Variants in LRP1B observed in about 807,000 individuals in gnomAD.
LRP1B encodes the protein low-density lipoprotein receptor-related protein 1B.
A neutral mutation model predicts 556.6 loss-of-function variants in LRP1B; 217 were observed. The observed-to-expected ratio is 0.39, with a 90% CI of 0.35 to 0.44. The LOEUF (loss-of-function observed/expected upper bound fraction) is 0.44, where lower values mean the gene tolerates loss of function less well. Ranked by LOEUF, LRP1B falls within the 20% of genes least tolerant of loss-of-function variation. The pLI is 1.00. For synonymous variants in LRP1B, 2,047 were observed against 1,865.8 expected (o/e 1.10, Z -2.50); for missense variants, 5,053 against 5,620.8 (o/e 0.90, Z 3.23).
intron 21 of LRP1B, among the ~76,000 whole-genome samples, chr2:140,919,957 T>C (rs1428922225): frequency 6.6e-6 from 1 of 152,096 alleles, no homozygotes; most frequent in Non-Finnish European, 1.5e-5. Flanking sequence ...AAAAATAAAA[T>C]GACTCATTGA....
At chr2:141,992,860 A>C (rs553564267) in intron 1 of LRP1B, among the ~76,000 whole-genome samples, 2 of 152,242 alleles carry the variant, frequency 1.3e-5, no homozygotes, top group South Asian at 2.1e-4. Context: ...AGTTGTTTTA[A>C]TTGCTAAACA....
intron 3 of LRP1B, among the ~76,000 whole-genome samples, chr2:141,343,499 C>A (rs1688142335): frequency 6.6e-6 from 1 of 151,942 alleles, no homozygotes. Context: ...TTTTTGTGGG[C>A]CTGTAATTAT....
intron 17 of LRP1B, among the ~76,000 whole-genome samples, chr2:140,986,100 T>C (rs759681800): frequency 2.2e-5 from 3 of 139,034 alleles, no homozygotes; most frequent in Non-Finnish European, 4.6e-5. Context: ...GTTTATTTTC[T>C]TCAATTTAGT....
chr2:141,934,257 A>G (rs942096643), intron 1 of LRP1B, among the ~76,000 whole-genome samples: 1 of 152,098 alleles, frequency 6.6e-6, no homozygotes, highest in African/African-American at 2.4e-5. Flanking sequence ...TGGAAAACAG[A>G]GAAAAGTTAA....
intron 35 of LRP1B, among the ~76,000 whole-genome samples, chr2:140,722,642 G>A (rs1313248177): frequency 6.6e-6 from 1 of 152,174 alleles, no homozygotes; most frequent in African/African-American, 2.4e-5. Flanking sequence ...CAAATGAGCA[G>A]CTTCAAATAA....
intron 1 of LRP1B, among the ~76,000 whole-genome samples, chr2:141,920,982 A>G (rs1700170470): frequency 6.6e-6 from 1 of 151,978 alleles, no homozygotes; most frequent in Admixed American, 6.6e-5. Context: ...ATGTTGAAAT[A>G]CTCCATGAAC....
In LRP1B at chr2:141,115,458, G is replaced by GTT. The variant is rs70991138; in HGVS notation, c.1014-53187_1014-53186dup. Among the ~76,000 whole-genome samples the GTT allele has an allele frequency of 4.6e-3, 555 of 120,394 alleles. 41 individuals are homozygous for GTT. The highest frequency in any genetic ancestry group is 9.6e-3 in the South Asian group (36 of 3,754). The allele number at this position is 120,394 out of a possible 152,430, so 79.0% of individuals were successfully genotyped here. The stretch of plus-strand genomic sequence containing the variant: ...GCAAAATGAATAGGTTTTTGTTTTT[G>GTT]TTTTTTTTTTTTTTTTGAGATGGAT... On this transcript the variant is annotated intron_variant, in intron 7 of 90. Coordinates refer to ENST00000389484, the MANE Select transcript of LRP1B (RefSeq NM_018557.3).
intron 83 of LRP1B, among the ~76,000 whole-genome samples, chr2:140,314,460 T>C (rs975341750): frequency 6.6e-6 from 1 of 152,078 alleles, no homozygotes. Context: ...CATTATATGA[T>C]ACAGTGTGAT....
At chr2:141,694,880 C>T (rs1229526043) in intron 2 of LRP1B, among the ~76,000 whole-genome samples, 1 of 151,996 alleles carries the variant, frequency 6.6e-6, no homozygotes, top group African/African-American at 2.4e-5. Context: ...TGATTTTTCA[C>T]AGGCTTTGTT....
chr2:141,210,556 A>C (rs1041718261), intron 6 of LRP1B, among the ~76,000 whole-genome samples: 1 of 152,112 alleles, frequency 6.6e-6, no homozygotes, highest in Non-Finnish European at 1.5e-5. Flanking sequence ...ATACCTTCCA[A>C]GTTTCTGATT....
At chr2:141,879,659 T>TC (rs11418199) in intron 1 of LRP1B, among the ~76,000 whole-genome samples, 131,563 of 151,562 alleles carry the variant, frequency 0.87, 57,183 homozygotes, top group East Asian at 1. Flanking sequence ...GGCCATGACT[T>TC]CAGATACAGT....
chr2:140,566,960 C>T (rs892379378), intron 43 of LRP1B, among the ~76,000 whole-genome samples: 2 of 152,108 alleles, frequency 1.3e-5, no homozygotes, highest in African/African-American at 4.8e-5. Context: ...CACACCCTCA[C>T]CCCCGATCCT....
At chr2:140,806,531 A>T (rs1172798816) in intron 32 of LRP1B, among the ~76,000 whole-genome samples, 1 of 152,148 alleles carries the variant, frequency 6.6e-6, no homozygotes, top group Non-Finnish European at 1.5e-5. Flanking sequence ...GTGGAGGGTA[A>T]ATTCAAACTC....
chr2:140,505,172 T>C (rs1689354246), intron 53 of LRP1B, among the ~76,000 whole-genome samples: 2 of 152,344 alleles, frequency 1.3e-5, no homozygotes, highest in Middle Eastern at 6.8e-3. Context: ...ACTTTACAAA[T>C]ATAAATTCAT....
intron 6 of LRP1B, among the ~76,000 whole-genome samples, chr2:141,197,410 AT>A: frequency 6.6e-6 from 1 of 152,248 alleles, no homozygotes; most frequent in South Asian, 2.1e-4. Context: ...TTATTATTTA[AT>A]TATCTGCTCC....
chr2:140,867,477 C>T (rs540347679), intron 27 of LRP1B, 113 bp downstream of exon 27: 56 of 1,176,782 alleles, frequency 4.8e-5, no homozygotes, highest in African/African-American at 1.1e-4. Context: ...ATAGAGTATG[C>T]GTAAAATGTC....
chr2:141,192,999 AT>A (rs1233285307), intron 6 of LRP1B, among the ~76,000 whole-genome samples: 1 of 151,960 alleles, frequency 6.6e-6, no homozygotes, highest in Non-Finnish European at 1.5e-5. Context: ...TGACACATCA[AT>A]TTTTTTGTTA....
At chr2:140,310,041 A>G (rs1684231351) in intron 83 of LRP1B, among the ~76,000 whole-genome samples, 1 of 151,766 alleles carries the variant, frequency 6.6e-6, no homozygotes, top group Non-Finnish European at 1.5e-5. Context: ...TGCTTGCTGC[A>G]AAGTTTGCAT....
At chr2:141,230,501 A>T (rs1050745398) in intron 5 of LRP1B, among the ~76,000 whole-genome samples, 5 of 152,174 alleles carry the variant, frequency 3.3e-5, no homozygotes, top group African/African-American at 1.2e-4. Context: ...TCAGTTCTTC[A>T]CTCAGTCCCT....
Sources: allele counts gnomAD v4.1 joint callset (sites outside exome capture counted in the v4.1 genomes callset), GRCh38; gene constraint gnomAD v4.1.1; transcripts MANE v1.5; gene names NCBI Gene and HGNC (gene_info 2026-07-23, HGNC 2026-07-21).